NOVA2: variants seen among roughly 807,000 people sequenced by gnomAD.
NOVA2 encodes NOVA alternative splicing regulator 2.
In NOVA2, 9 loss-of-function variants were observed where a neutral mutation model predicts 22.5. That is an observed-to-expected ratio of 0.40 (90% confidence interval 0.24 to 0.70). The LOEUF is 0.70. Ranked by LOEUF, NOVA2 falls within the 30% of genes least tolerant of loss-of-function variation. The probability of loss-of-function intolerance (pLI) is 0.38; values close to 1 mark genes in which losing one functional copy is unlikely to be tolerated. For synonymous variants in NOVA2, 318 were observed against 335.2 expected (o/e 0.95, Z 0.56); for missense variants, 383 against 682.8 (o/e 0.56, Z 4.89).
Position 45,940,465 on chromosome 19 carries a change from T to A in NOVA2, c.877A>T (p.Thr293Ser). 6.5e-7 allele frequency: 1 copy of A among 1,534,320 alleles called. No individual in the cohort carries two copies. ...TTGAGGCCCAGGCCCAGGGAGTTGG[T>A]GTTGTAGCCGTAACTTGCCAGCGTG... ...LNTLASYGYN[T>S]NSLGLGLNSA... Residue 293 changes from threonine (T) to serine (S), a missense_variant, in exon 4 of 4, where the codon ACC becomes TCC. Physicochemically the swap from Thr to Ser is moderately conservative, Grantham distance 58. Around this residue, in one of 2 missense-constraint regions of NOVA2, gnomAD observed 349 missense variants for 578.1 expected, o/e 0.60. Transcript: ENST00000263257.
At position 45,949,635 on chromosome 19, in the gene NOVA2, G is replaced by A. The variant is rs111364934; in HGVS notation, c.396+4145C>T. Among the ~76,000 whole-genome samples the A allele has an allele frequency of 8.0e-3, 1,215 of 152,048 alleles. 19 individuals are homozygous for A. The highest frequency in any genetic ancestry group is 0.028 in the African/African-American group (1,163 of 41,466). On this transcript the variant is annotated intron_variant, in intron 3 of 3. Transcript: ENST00000263257. ...TGGGCATACTATTCCCGATCCATAC[G>A]ATTTGTGCAAATATTCAGTGAGACA...
intron 3 of NOVA2, among the ~76,000 whole-genome samples, chr19:45,942,854 T>G (rs1263479186): frequency 6.6e-6 from 1 of 151,910 alleles, no homozygotes; most frequent in Non-Finnish European, 1.5e-5. Context: ...TACACATAAA[T>G]TCCTCCCTCT....
Position 45,941,721 on chromosome 19 carries a change from A to G in NOVA2, c.397-776T>C, listed in dbSNP as rs561782736. ...AGACCAGCCTGGGCAACATAGCGAG[A>G]TCTTGCCTCTAACATTAAAATTTTT... is the stretch of plus-strand genomic sequence containing the variant. On this transcript the variant is annotated intron_variant, in intron 3 of 3. Coordinates refer to ENST00000263257, the MANE Select transcript of NOVA2 (RefSeq NM_002516.4). Among the ~76,000 whole-genome samples, 4 of 152,314 alleles carry G rather than the reference A, an allele frequency of 2.6e-5. No individual in the cohort carries two copies. In the South Asian group the frequency reaches 6.2e-4, roughly 24 times the overall value.
intron 3 of NOVA2, among the ~76,000 whole-genome samples, chr19:45,944,555 G>A (rs540740688): frequency 2.3e-4 from 35 of 152,216 alleles, no homozygotes; most frequent in African/African-American, 7.7e-4. Context: ...AAAAAGTCTC[G>A]TGGGATAAAT....
At position 45,947,496 on chromosome 19, in the gene NOVA2, C is replaced by T. The variant is rs141328852; in HGVS notation, c.396+6284G>A. Among the ~76,000 whole-genome samples, 557 of 148,308 alleles carry T rather than the reference C, an allele frequency of 3.8e-3. 7 individuals are homozygous for T. The highest frequency in any genetic ancestry group is 0.013 in the African/African-American group (529 of 40,130). On this transcript the variant is annotated intron_variant, in intron 3 of 3. Transcript: ENST00000263257. The stretch of plus-strand genomic sequence containing the variant: ...TTTTTTTTTTTTCTTTTTTTTGAGA[C>T]GGAGTTTCGCTCTTTTGCCCAGGCT...
chr19:45,962,307 T>C (rs539529963), intron 1 of NOVA2: 1 of 152,894 alleles, frequency 6.5e-6, no homozygotes, highest in East Asian at 1.9e-4. Flanking sequence ...CTTTGTGAGC[T>C]TGATCTCGTC....
In NOVA2 at chr19:45,953,824, T is replaced by G. The variant is rs181780002; in HGVS notation, c.352A>C (p.Ile118Leu). The G allele has an allele frequency of 6.2e-7, 1 of 1,614,206 alleles. No individual in the cohort carries two copies. The highest frequency in any genetic ancestry group is 8.5e-7 in the Non-Finnish European group (1 of 1,180,028). Reference protein sequence around the residue: ...QAMTKPEVVNILQPQTTMNPD... With the variant: ...QAMTKPEVVNLLQPQTTMNPD... The stretch of plus-strand genomic sequence containing the variant: ...TTCATCGTGGTTTGGGGTTGAAGGA[T>G]GTTGACCACCTCAGGCTTGGTCATC... Residue 118 changes from isoleucine to leucine, a missense_variant, in exon 3 of 4, where the codon ATC (isoleucine) becomes CTC (leucine). By Grantham distance (5) the Ile-to-Leu change is conservative. Coordinates refer to ENST00000263257, the MANE Select transcript of NOVA2 (RefSeq NM_002516.4).
chr19:45,948,443 CAAA>C (rs1377384788), intron 3 of NOVA2, among the ~76,000 whole-genome samples: 2 of 151,314 alleles, frequency 1.3e-5, no homozygotes, highest in African/African-American at 4.9e-5. Flanking sequence ...ACTAAAAATA[CAAA>C]AAAATTAGCC....
chr19:45,960,943 C>T, intron 2 of NOVA2, 67 bp downstream of exon 2: 1 of 1,487,910 alleles, frequency 6.7e-7, no homozygotes, highest in Non-Finnish European at 9.1e-7. Flanking sequence ...TCATCTAGGG[C>T]CCAGGTGGGA....
chr19:45,948,393 A>T (rs752731177), intron 3 of NOVA2, among the ~76,000 whole-genome samples: 1 of 152,064 alleles, frequency 6.6e-6, no homozygotes, highest in African/African-American at 2.4e-5. Context: ...GGGTCAGGAG[A>T]TCAAGACCAT....
chr19:45,946,996 G>T (rs1183417113), intron 3 of NOVA2, among the ~76,000 whole-genome samples: 1 of 152,040 alleles, frequency 6.6e-6, no homozygotes, highest in East Asian at 1.9e-4. Flanking sequence ...TGCAGTGTAT[G>T]GGGACTATTC....
intron 1 of NOVA2, 36 bp downstream of exon 1, chr19:45,973,231 C>A: frequency 7.5e-7 from 1 of 1,341,440 alleles, no homozygotes; most frequent in Non-Finnish European, 9.9e-7. Context: ...AGGCCCCCTG[C>A]CCGCTCCCCC....
At chr19:45,963,368 T>C (rs1968123791) in intron 1 of NOVA2, among the ~76,000 whole-genome samples, 1 of 149,876 alleles carries the variant, frequency 6.7e-6, no homozygotes, top group Admixed American at 6.7e-5. Flanking sequence ...TGGCGACCCT[T>C]TGTGACTTGG....
chr19:45,948,795 G>A (rs777576548), intron 3 of NOVA2, among the ~76,000 whole-genome samples: 5 of 151,930 alleles, frequency 3.3e-5, no homozygotes, highest in South Asian at 2.1e-4. Flanking sequence ...GTATCTACCC[G>A]AGAGCTGGAA....
At position 45,952,759 on chromosome 19, in the gene NOVA2, C is replaced by A. The variant is rs576715580; in HGVS notation, c.396+1021G>T. ...AGCACCAAGGACAGCGTCCGCGCTA[C>A]ACGCCCCAAGCCCTGCGGTCTTTTT... On this transcript the variant is annotated intron_variant, in intron 3 of 3. Transcript: ENST00000263257. Among the ~76,000 whole-genome samples the A allele has an allele frequency of 3.2e-3, 489 of 152,356 alleles. 4 individuals are homozygous for A. Among genetic ancestry groups the A allele is most frequent in the African/African-American group, 0.011 (466 of 41,572 alleles).
Position 45,937,479 on chromosome 19 carries a change from T to C in NOVA2, c.*2384A>G, listed in dbSNP as rs1247822715. The stretch of plus-strand genomic sequence containing the variant: ...TGTAATACTCGCGTGCGGGTAGAGA[T>C]ACTGTGAAATACTGTAAGGTCTTTT... On this transcript the variant is annotated 3_prime_UTR_variant, in exon 4 of 4. Transcript: ENST00000263257. The C allele has an allele frequency of 2.0e-5, 3 of 152,184 alleles. No individual in the cohort carries two copies. The highest frequency in any genetic ancestry group is 4.4e-5 in the Non-Finnish European group (3 of 68,066). 9.4% of individuals were successfully genotyped at this position (152,184 alleles called of 1,614,324 possible).
intron 1 of NOVA2, among the ~76,000 whole-genome samples, chr19:45,971,327 G>A (rs1968229706): frequency 6.6e-6 from 1 of 152,104 alleles, no homozygotes; most frequent in Non-Finnish European, 1.5e-5. Context: ...GTGGTGGAGG[G>A]CTAGACAGTC....
At chr19:45,943,916 A>G (rs536018593) in intron 3 of NOVA2, among the ~76,000 whole-genome samples, 82 of 152,336 alleles carry the variant, frequency 5.4e-4, no homozygotes, top group Non-Finnish European at 6.8e-4. Flanking sequence ...CGCAACTACC[A>G]GTAAATCAAG....
intron 2 of NOVA2, among the ~76,000 whole-genome samples, chr19:45,954,969 A>G (rs1287892205): frequency 6.6e-6 from 1 of 151,840 alleles, no homozygotes; most frequent in African/African-American, 2.4e-5. Flanking sequence ...TTATGAACAG[A>G]CTATGTGACA....
Sources: allele counts gnomAD v4.1 joint callset (sites outside exome capture counted in the v4.1 genomes callset), GRCh38; gene constraint gnomAD v4.1.1; regional missense constraint gnomAD v4.1.1; transcripts MANE v1.5; gene names NCBI Gene and HGNC (gene_info 2026-07-23, HGNC 2026-07-21).